Variants in SBF2 observed in about 807,000 individuals in gnomAD.
SBF2 encodes the protein SET binding factor 2.
Under a neutral mutation model 225.2 loss-of-function variants are expected in SBF2, and 112 were observed. That is an observed-to-expected ratio of 0.50 (90% CI 0.43 to 0.58). The LOEUF (loss-of-function observed/expected upper bound fraction) is 0.58. SBF2 is among the 20% of genes least tolerant of loss of function. The pLI is 0.00. For missense variants in SBF2, 1,996 were observed against 2,206.2 expected (o/e 0.90, Z 1.91); for synonymous variants, 763 against 773.3 (o/e 0.99, Z 0.22).
chr11:9,817,437 T>C (rs1001037278), intron 28 of SBF2, among the ~76,000 whole-genome samples: 12 of 152,132 alleles, frequency 7.9e-5, no homozygotes, highest in Admixed American at 7.9e-4. Flanking sequence ...GTAAGGAACA[T>C]TCTTCTGCTT....
rs150990186 is a variant in SBF2, at chr11:9,870,001, G to A, written c.1930-11605C>T. 3.2e-3 allele frequency among the ~76,000 whole-genome samples: 494 copies of A among 152,234 alleles called. 20 individuals carry two copies. The East Asian group carries it at 0.078, about 24-fold the overall frequency. ...TCTTAAGCTGATAAGCAACTTCAGC[G>A]AAGTCTCAGCATACAAAAATCAATG... is the stretch of plus-strand genomic sequence containing the variant. On this transcript the variant is annotated intron_variant, in intron 17 of 39. Transcript: ENST00000256190.
intron 1 of SBF2, among the ~76,000 whole-genome samples, chr11:10,207,722 C>T (rs1957794497): frequency 6.6e-6 from 1 of 151,946 alleles, no homozygotes; most frequent in East Asian, 1.9e-4. Context: ...CTAATACTTC[C>T]TTTTCTATGG....
chr11:10,018,060 CAAGCAGTGGGG>C, intron 6 of SBF2, among the ~76,000 whole-genome samples: 1 of 152,156 alleles, frequency 6.6e-6, no homozygotes, highest in South Asian at 2.1e-4. Flanking sequence ...AGTAGAGCAG[CAAGCAGTGGGG>C]AAGAAGAACA....
chr11:9,968,653 C>T (rs1867124877), intron 13 of SBF2, 108 bp from the exon 14 acceptor site: 1 of 865,104 alleles, frequency 1.2e-6, no homozygotes, highest in Admixed American at 1.7e-5. Flanking sequence ...GTTATACATA[C>T]ATTCATATAT....
rs962421273 is a variant in SBF2 at position 10,239,523 on chromosome 11, T to C, written c.56-45536A>G. 6.0e-5 allele frequency among the ~76,000 whole-genome samples: 9 copies of C among 148,942 alleles called. 2 individuals carry two copies. Among genetic ancestry groups the C allele is most frequent in the Non-Finnish European group, 1.4e-4 (9 of 66,608 alleles). ...TACTCTACTAGTAAGTGAACCACAA[T>C]ATAATGGAGTAGGAGAAAAAATTGG... On this transcript the variant is annotated intron_variant, in intron 1 of 39. Transcript: ENST00000256190.
chr11:10,160,160 A>C (rs574196734), intron 2 of SBF2, among the ~76,000 whole-genome samples: 5 of 152,328 alleles, frequency 3.3e-5, no homozygotes, highest in African/African-American at 1.2e-4. Flanking sequence ...GTATACATAG[A>C]AAACCCTGAA....
At chr11:9,967,971 C>CTATATA (rs1188261255) in intron 14 of SBF2, among the ~76,000 whole-genome samples, 37 of 91,500 alleles carry the variant, frequency 4.0e-4, no homozygotes, top group Middle Eastern at 5.8e-3. Flanking sequence ...CTCTCTCTCT[C>CTATATA]TATATATATA....
chr11:10,065,749 C>T (rs556574353), intron 2 of SBF2, among the ~76,000 whole-genome samples: 2 of 152,146 alleles, frequency 1.3e-5, no homozygotes, highest in South Asian at 4.2e-4. Context: ...GTCAGGAGTT[C>T]GAGACCAGCT....
intron 14 of SBF2, among the ~76,000 whole-genome samples, chr11:9,964,093 T>A (rs975589194): frequency 6.6e-6 from 1 of 152,040 alleles, no homozygotes; most frequent in African/African-American, 2.4e-5. Flanking sequence ...CTACAAAAAA[T>A]ACAAAAATTA....
intron 2 of SBF2, among the ~76,000 whole-genome samples, chr11:10,187,750 A>G (rs958548902): frequency 1.3e-5 from 2 of 152,172 alleles, no homozygotes; most frequent in African/African-American, 4.8e-5. Flanking sequence ...TTATGTAAAT[A>G]AGGGGAAAAA....
intron 1 of SBF2, among the ~76,000 whole-genome samples, chr11:10,196,455 C>CCGCA (rs1281936820): frequency 6.6e-6 from 1 of 152,068 alleles, no homozygotes; most frequent in African/African-American, 2.4e-5. Context: ...TCATCGCTCA[C>CCGCA]CGCAGCCTTG....
intron 28 of SBF2, chr11:9,828,744 A>G (rs186035488): frequency 4.4e-6 from 2 of 458,374 alleles, no homozygotes; most frequent in East Asian, 1.5e-4. Flanking sequence ...CAAACTTATA[A>G]ATGATGATTT....
intron 16 of SBF2, among the ~76,000 whole-genome samples, chr11:9,950,884 T>C (rs1017729076): frequency 3.9e-5 from 6 of 152,174 alleles, no homozygotes; most frequent in African/African-American, 1.4e-4. Flanking sequence ...TATTAATTCA[T>C]CAAATTTTTA....
chr11:10,071,317 A>G (rs1336178701), intron 2 of SBF2, among the ~76,000 whole-genome samples: 1 of 123,986 alleles, frequency 8.1e-6, no homozygotes, highest in Non-Finnish European at 1.6e-5. Context: ...CCCAGGCTGG[A>G]GTGTGGTGGC....
At chr11:10,103,454 A>G (rs1590961782) in intron 2 of SBF2, among the ~76,000 whole-genome samples, 1 of 152,340 alleles carries the variant, frequency 6.6e-6, no homozygotes, top group Middle Eastern at 3.4e-3. Flanking sequence ...TGAAAGTCAT[A>G]ATTCTGATAT....
At chr11:10,193,349 A>G (rs1262019269) in intron 2 of SBF2, among the ~76,000 whole-genome samples, 1 of 130,454 alleles carries the variant, frequency 7.7e-6, no homozygotes, top group Non-Finnish European at 1.7e-5. Flanking sequence ...CATCAATTTC[A>G]TCTTTTTTTT....
At chr11:10,273,150 A>C (rs974349674) in intron 1 of SBF2, among the ~76,000 whole-genome samples, 3 of 152,222 alleles carry the variant, frequency 2.0e-5, no homozygotes, top group African/African-American at 7.2e-5. Flanking sequence ...TGTAAATAGA[A>C]GACCGTTTTT....
intron 1 of SBF2, among the ~76,000 whole-genome samples, chr11:10,260,873 G>T (rs778601694): frequency 2.8e-5 from 4 of 140,686 alleles, no homozygotes; most frequent in African/African-American, 5.2e-5. Flanking sequence ...GAGAGACCCT[G>T]CCTCAAAAAA....
chr11:10,010,649 T>C (rs1021018135), intron 6 of SBF2, among the ~76,000 whole-genome samples: 7 of 152,250 alleles, frequency 4.6e-5, no homozygotes, highest in Non-Finnish European at 8.8e-5. Flanking sequence ...AGTCTTGTAG[T>C]ATAGTTTGAG....
Sources: allele counts gnomAD v4.1 joint callset (sites outside exome capture counted in the v4.1 genomes callset), GRCh38; gene constraint gnomAD v4.1.1; transcripts MANE v1.5; gene names NCBI Gene and HGNC (gene_info 2026-07-23, HGNC 2026-07-21).